Variants in CDH12 observed in about 807,000 individuals in gnomAD.
The protein encoded by CDH12 is cadherin 12.
Under a neutral mutation model 74.1 loss-of-function variants are expected in CDH12, and 41 were observed. The observed-to-expected ratio is 0.55, with a 90% confidence interval of 0.43 to 0.72. The LOEUF (loss-of-function observed/expected upper bound fraction) is 0.72, where lower values mean the gene tolerates loss of function less well. Ranked by LOEUF, CDH12 falls within the 30% of genes least tolerant of loss-of-function variation. The pLI, the probability that CDH12 is intolerant of heterozygous loss-of-function variation, is 0.00. For synonymous variants in CDH12, 399 were observed against 355.0 expected (o/e 1.12, Z -1.39); for missense variants, 945 against 977.2 (o/e 0.97, Z 0.44).
chr5:22,476,992 T>C lies in CDH12; in HGVS notation c.-428+28278A>G, dbSNP rs144528029. 8.8e-3 allele frequency among the ~76,000 whole-genome samples: 1,339 copies of C among 152,238 alleles called. 13 individuals carry two copies. Among genetic ancestry groups the C allele is most frequent in the Middle Eastern group, 0.014 (4 of 294 alleles). ...AAAAATCTGCCCCAAGGCCCATCAA[T>C]AGGCCTTTTTTCTTGTAACTGGAGA... On this transcript the variant is annotated intron_variant, in intron 2 of 14. Transcript: ENST00000382254.
chr5:22,659,843 T>C (rs1740254083), intron 1 of CDH12, among the ~76,000 whole-genome samples: 2 of 152,154 alleles, frequency 1.3e-5, no homozygotes, highest in African/African-American at 2.4e-5. Flanking sequence ...AGTATTTCAA[T>C]GAATTTTCTA....
At chr5:22,144,738 T>G (rs1747045176) in intron 4 of CDH12, among the ~76,000 whole-genome samples, 1 of 152,108 alleles carries the variant, frequency 6.6e-6, no homozygotes, top group Admixed American at 6.6e-5. Context: ...TTTGACGTAA[T>G]AATTTTGAGC....
At position 22,117,490 on chromosome 5, in the gene CDH12, T is replaced by A. The variant is rs3924726; in HGVS notation, c.-186-38628A>T. ...TATAATATATATATTATATATATAT[T>A]ATATATATATAATATATATATAATA... On this transcript the variant is annotated intron_variant, in intron 4 of 14. Coordinates refer to ENST00000382254, the MANE Select transcript of CDH12 (RefSeq NM_004061.5). 7.1e-3 allele frequency among the ~76,000 whole-genome samples: 487 copies of A among 68,870 alleles called. 3 individuals carry two copies. Among genetic ancestry groups the A allele is most frequent in the East Asian group, 0.024 (61 of 2,568 alleles). The allele number at this position is 68,870 out of a possible 152,430, so 45.2% of individuals were successfully genotyped here. A position where few individuals can be genotyped will look rare whatever the true frequency, so the allele number is the denominator to read the frequency against.
At chr5:22,374,006 A>G (rs1741409981) in intron 3 of CDH12, among the ~76,000 whole-genome samples, 1 of 152,218 alleles carries the variant, frequency 6.6e-6, no homozygotes, top group Non-Finnish European at 1.5e-5. Flanking sequence ...AGGATACAGC[A>G]ACAAAGAAAA....
chr5:22,770,810 C>T (rs6898886), intron 1 of CDH12, among the ~76,000 whole-genome samples: 72,482 of 151,728 alleles, frequency 0.48, 17,433 homozygotes, highest in East Asian at 0.55. Flanking sequence ...ATTGTGCATC[C>T]ACTATAGGTC....
Position 22,173,489 on chromosome 5 carries a change from G to C in CDH12, c.-187+39009C>G, listed in dbSNP as rs1380414488. 3.8e-4 allele frequency among the ~76,000 whole-genome samples: 57 copies of C among 149,418 alleles called. 1 individual carries two copies. The highest frequency in any genetic ancestry group is 2.4e-3 in the Admixed American group (35 of 14,854). On this transcript the variant is annotated intron_variant, in intron 4 of 14. Transcript: ENST00000382254. ...AACCTGTATATAGAATTAGACTTTA[G>C]ATATCTAACCCTTATATAGGATTAG...
chr5:22,681,255 G>A (rs961159889), intron 1 of CDH12, among the ~76,000 whole-genome samples: 11 of 151,400 alleles, frequency 7.3e-5, no homozygotes, highest in African/African-American at 2.7e-4. Context: ...GTGTGTGTGT[G>A]TGTGTGTGTA....
At chr5:22,514,392 A>G (rs1386984862) in intron 1 of CDH12, among the ~76,000 whole-genome samples, 1 of 152,218 alleles carries the variant, frequency 6.6e-6, no homozygotes, top group Non-Finnish European at 1.5e-5. Context: ...GCTGAAAGAC[A>G]AGCACAGGGA....
At chr5:22,471,651 T>A (rs1374768552) in intron 2 of CDH12, among the ~76,000 whole-genome samples, 4 of 152,174 alleles carry the variant, frequency 2.6e-5, no homozygotes, top group Non-Finnish European at 5.9e-5. Flanking sequence ...TAATATTTTA[T>A]CCCCATTCCT....
intron 3 of CDH12, among the ~76,000 whole-genome samples, chr5:22,352,649 T>C (rs1740403479): frequency 6.6e-6 from 1 of 152,192 alleles, no homozygotes; most frequent in South Asian, 2.1e-4. Context: ...CCATTAATGG[T>C]TATTGTCATG....
At chr5:21,986,124 C>G (rs189863277) in intron 5 of CDH12, among the ~76,000 whole-genome samples, 2 of 152,236 alleles carry the variant, frequency 1.3e-5, no homozygotes, top group East Asian at 3.9e-4. Context: ...GGAAATATTT[C>G]ACCTTCTATT....
intron 4 of CDH12, among the ~76,000 whole-genome samples, chr5:22,152,766 C>T (rs1255141167): frequency 6.6e-6 from 1 of 152,150 alleles, no homozygotes; most frequent in Non-Finnish European, 1.5e-5. Context: ...AATGTCTCCT[C>T]ACCCTACTCA....
chr5:22,469,194 A>G (rs1199247260), intron 2 of CDH12, among the ~76,000 whole-genome samples: 1 of 152,206 alleles, frequency 6.6e-6, no homozygotes, highest in African/African-American at 2.4e-5. Flanking sequence ...CCAAGTGAAG[A>G]GCAAACAAAT....
At chr5:22,162,891 C>CTTT (rs70957097) in intron 4 of CDH12, among the ~76,000 whole-genome samples, 2 of 80,518 alleles carry the variant, frequency 2.5e-5, no homozygotes, top group African/African-American at 9.9e-5. Context: ...TTCCCTCTGA[C>CTTT]TTTTTTTTTT....
chr5:21,971,887 G>A (rs1756868901), intron 6 of CDH12, among the ~76,000 whole-genome samples: 1 of 152,120 alleles, frequency 6.6e-6, no homozygotes, highest in African/African-American at 2.4e-5. Flanking sequence ...TGTAACAGAA[G>A]TCAGTAACGG....
chr5:21,802,456 T>C, intron 9 of CDH12, 36 bp from the exon 10 acceptor site: 1 of 1,551,934 alleles, frequency 6.4e-7, no homozygotes, highest in Non-Finnish European at 8.9e-7. Context: ...AGGAGTAAAT[T>C]TATATAGAAT....
chr5:22,662,376 C>T (rs1370028279), intron 1 of CDH12, among the ~76,000 whole-genome samples: 4 of 152,060 alleles, frequency 2.6e-5, no homozygotes, highest in African/African-American at 7.2e-5. Context: ...TGGACAACTT[C>T]ATATGAAAGA....
chr5:22,047,774 C>T (rs1403686853), intron 5 of CDH12, among the ~76,000 whole-genome samples: 1 of 152,198 alleles, frequency 6.6e-6, no homozygotes, highest in African/African-American at 2.4e-5. Flanking sequence ...TCAAACCCAA[C>T]ATACCTAAAA....
rs199873227 is a variant in CDH12 at position 22,063,401 on chromosome 5, AT to A, written c.231+15044del. Among the ~76,000 whole-genome samples the A allele has an allele frequency of 8.6e-3, 1,310 of 152,212 alleles. 16 individuals carry two copies. The highest frequency in any genetic ancestry group is 0.03 in the African/African-American group (1,246 of 41,538). On this transcript the variant is annotated intron_variant, in intron 5 of 14. Transcript: ENST00000382254. ...TTCTCTCTTCCATCACACAGACCCT[AT>A]AAATACACAATAATGAATCAATTTG...
Sources: allele counts gnomAD v4.1 joint callset (sites outside exome capture counted in the v4.1 genomes callset), GRCh38; gene constraint gnomAD v4.1.1; transcripts MANE v1.5; gene names NCBI Gene and HGNC (gene_info 2026-07-23, HGNC 2026-07-21).